Variants in UQCC1 observed in about 807,000 individuals in gnomAD.
UQCC1 encodes the protein bFGF-repressed Zic-binding protein.
In UQCC1, 38 loss-of-function variants were observed where a neutral mutation model predicts 48.0. That is an observed-to-expected ratio of 0.79 (90% CI 0.61 to 1.04). The LOEUF (loss-of-function observed/expected upper bound fraction) is 1.04, where lower values mean the gene tolerates loss of function less well. Ranked by LOEUF, UQCC1 falls within the 50% of genes least tolerant of loss-of-function variation. The pLI is 0.00. For missense variants in UQCC1, 368 were observed against 381.8 expected (o/e 0.96, Z 0.30); for synonymous variants, 111 against 129.2 (o/e 0.86, Z 0.95).
At chr20:35,338,030 T>TC (rs1421052759) in intron 7 of UQCC1, among the ~76,000 whole-genome samples, 2 of 151,032 alleles carry the variant, frequency 1.3e-5, no homozygotes, top group African/African-American at 2.4e-5. Flanking sequence ...TCCTCTACCC[T>TC]TAAAAAAAAC....
At chr20:35,386,950 T>G (rs1198990342) in intron 2 of UQCC1, among the ~76,000 whole-genome samples, 1 of 152,020 alleles carries the variant, frequency 6.6e-6, no homozygotes, top group East Asian at 1.9e-4. Context: ...ACTCGACCCT[T>G]AAAGACCTCA....
chr20:35,345,306 G>C (rs1201091210), intron 7 of UQCC1: 1 of 152,134 alleles, frequency 6.6e-6, no homozygotes, highest in East Asian at 1.9e-4. Context: ...CAGTCTTGTG[G>C]GCAGAGCCCT....
In UQCC1 at chr20:35,384,065, C is replaced by A; in HGVS notation, c.198G>T (p.Leu66=). The A allele has an allele frequency of 6.2e-7, 1 of 1,612,788 alleles. No homozygotes were observed. The highest frequency in any genetic ancestry group is 1.1e-5 in the South Asian group (1 of 91,066). The change falls in exon 3 of 10, where the codon CTG becomes CTT. Residue 66 remains leucine (L), a synonymous_variant. Coordinates refer to ENST00000374385, the MANE Select transcript of UQCC1 (RefSeq NM_018244.5). Reference sequence around the variant, plus strand: ...TACGTGTGGTGTGATACTTCCTATTCAGCTGTATGTCTATTCCAGGAATCT... The same window carrying A: ...TACGTGTGGTGTGATACTTCCTATTAAGCTGTATGTCTATTCCAGGAATCT... ...SEQIPGIDIQ[L]NRKYHTTRKL... is the part of the protein sequence containing the mutation.
At chr20:35,351,105 T>C (rs1283588807) in intron 6 of UQCC1, among the ~76,000 whole-genome samples, 1 of 151,892 alleles carries the variant, frequency 6.6e-6, no homozygotes, top group African/African-American at 2.4e-5. Context: ...AATAGCACTT[T>C]GTAGGCTGGG....
At chr20:35,349,416 T>A (rs1248044780) in intron 6 of UQCC1, among the ~76,000 whole-genome samples, 1 of 152,194 alleles carries the variant, frequency 6.6e-6, no homozygotes. Flanking sequence ...TAGGCTTAAG[T>A]TGATATTATG....
chr20:35,378,033 T>C (rs1344092022), intron 4 of UQCC1, among the ~76,000 whole-genome samples: 4 of 152,194 alleles, frequency 2.6e-5, no homozygotes. Flanking sequence ...AAATAATAAC[T>C]TGAGGAAAGA....
intron 7 of UQCC1, chr20:35,344,238 G>A (rs1320177661): frequency 6.6e-6 from 1 of 152,176 alleles, no homozygotes; most frequent in Non-Finnish European, 1.5e-5. Flanking sequence ...TAAGTAGAAG[G>A]GACACTGCAT....
intron 5 of UQCC1, among the ~76,000 whole-genome samples, chr20:35,370,540 G>T (rs2061719060): frequency 6.6e-6 from 1 of 152,114 alleles, no homozygotes. Context: ...ACCCACAAAT[G>T]ACAAAGATGG....
chr20:35,402,494 C>A (rs1256178566), intron 1 of UQCC1, among the ~76,000 whole-genome samples: 1 of 151,868 alleles, frequency 6.6e-6, no homozygotes, highest in Non-Finnish European at 1.5e-5. Context: ...AGGAGAATGG[C>A]GTGAACCTGG....
At chr20:35,328,930 C>T (rs1159731988) in intron 7 of UQCC1, among the ~76,000 whole-genome samples, 1 of 152,198 alleles carries the variant, frequency 6.6e-6, no homozygotes, top group Non-Finnish European at 1.5e-5. Flanking sequence ...GATTGTAAGC[C>T]CTGTAAGATC....
At chr20:35,384,586 GAGC>G in intron 2 of UQCC1, 1 of 446,758 alleles carries the variant, frequency 2.2e-6, no homozygotes, top group Non-Finnish European at 4.5e-6. Flanking sequence ...AGGCTGCAGG[GAGC>G]TATCATCACA....
At chr20:35,373,800 T>C (rs1006703598) in intron 5 of UQCC1, among the ~76,000 whole-genome samples, 4 of 152,038 alleles carry the variant, frequency 2.6e-5, no homozygotes, top group Non-Finnish European at 5.9e-5. Flanking sequence ...AATGTCAAAG[T>C]ACAGTTTGTT....
chr20:35,402,164 C>A (rs941505279), intron 1 of UQCC1, among the ~76,000 whole-genome samples: 2 of 152,036 alleles, frequency 1.3e-5, no homozygotes, highest in South Asian at 4.2e-4. Flanking sequence ...GAATACAGGC[C>A]GGGCATAGTG....
intron 6 of UQCC1, among the ~76,000 whole-genome samples, chr20:35,357,243 G>A (rs1450277409): frequency 2.0e-5 from 3 of 151,064 alleles, no homozygotes; most frequent in Admixed American, 6.6e-5. Context: ...AAATTAGGCC[G>A]GGCGCAGTGG....
chr20:35,383,068 T>C (rs967617660), intron 3 of UQCC1, among the ~76,000 whole-genome samples: 6 of 151,876 alleles, frequency 4.0e-5, no homozygotes, highest in Non-Finnish European at 7.4e-5. Context: ...ATTGATGTAA[T>C]AGGAAAAGGA....
intron 1 of UQCC1, among the ~76,000 whole-genome samples, chr20:35,394,477 G>C (rs1429266506): frequency 2.6e-5 from 4 of 152,022 alleles, no homozygotes; most frequent in Non-Finnish European, 5.9e-5. Context: ...GGAGTAGAGG[G>C]TTGGAACTCA....
intron 1 of UQCC1, among the ~76,000 whole-genome samples, chr20:35,408,043 G>A (rs934273860): frequency 6.6e-6 from 1 of 151,950 alleles, no homozygotes; most frequent in African/African-American, 2.4e-5. Flanking sequence ...AAGACATGAA[G>A]AAGTGCCCAA....
intron 2 of UQCC1, among the ~76,000 whole-genome samples, chr20:35,388,311 G>A (rs1401342522): frequency 0.011 from 13 of 1,184 alleles, no homozygotes; most frequent in Non-Finnish European, 0.019. Flanking sequence ...TTTTTTTTGA[G>A]ACAGGGTCTT....
At chr20:35,405,498 T>C (rs1035163163) in intron 1 of UQCC1, among the ~76,000 whole-genome samples, 3 of 152,132 alleles carry the variant, frequency 2.0e-5, no homozygotes, top group Admixed American at 1.3e-4. Context: ...ATGCAATCAA[T>C]AGAAACTGTC....
Sources: gnomAD v4.1 joint callset for allele counts (sites outside exome capture counted in the v4.1 genomes callset) on GRCh38, gnomAD v4.1.1 for gene constraint, MANE v1.5 for transcripts, NCBI Gene and HGNC (gene_info 2026-07-23, HGNC 2026-07-21) for gene names.